RIPOR2: variants seen among roughly 807,000 people sequenced by gnomAD.
The protein encoded by RIPOR2 is rho family-interacting cell polarization regulator 2.
Under a neutral mutation model 114.5 loss-of-function variants are expected in RIPOR2, and 39 were observed. The ratio of observed to expected loss-of-function variants is 0.34; its 90% CI spans 0.26 to 0.44. The LOEUF (loss-of-function observed/expected upper bound fraction) is 0.44, where lower values mean the gene tolerates loss of function less well. Among genes scored for constraint, RIPOR2 ranks in the 20% least tolerant of loss-of-function variants. RIPOR2 has a pLI of 1.00. For synonymous variants in RIPOR2, 445 were observed against 484.4 expected, an observed-to-expected ratio of 0.92 and a Z score of 1.07; for missense variants, 1,007 against 1,255.1, an observed-to-expected ratio of 0.80 and a Z score of 2.99.
chr6:24,973,555 C>T (rs1270016457), intron 1 of RIPOR2, among the ~76,000 whole-genome samples: 4 of 151,124 alleles, frequency 2.6e-5, no homozygotes, highest in African/African-American at 4.9e-5. Flanking sequence ...TGAGATCACA[C>T]CACTGCACTC....
At chr6:24,977,544 ATAG>A (rs1365504563) in intron 1 of RIPOR2, among the ~76,000 whole-genome samples, 3 of 152,238 alleles carry the variant, frequency 2.0e-5, no homozygotes, top group Admixed American at 2.0e-4. Context: ...GAAATAAAGC[ATAG>A]TAGTTCCATA....
At chr6:24,866,231 C>T (rs1049493848) in intron 6 of RIPOR2, among the ~76,000 whole-genome samples, 1 of 152,096 alleles carries the variant, frequency 6.6e-6, no homozygotes, top group Non-Finnish European at 1.5e-5. Context: ...TAAATTGAAG[C>T]AATATAAATG....
intron 13 of RIPOR2, chr6:24,839,933 ATCT>A: frequency 1.1e-5 from 3 of 280,884 alleles, no homozygotes; most frequent in Non-Finnish European, 1.4e-5. Flanking sequence ...GAAGCCCTGC[ATCT>A]TTTTTTTTTT....
chr6:24,979,251 A>G lies in RIPOR2; in HGVS notation c.76+62600T>C, dbSNP rs527413816. 4.1e-5 allele frequency among the ~76,000 whole-genome samples: 6 copies of G among 146,746 alleles called. No individual in the cohort carries two copies. The South Asian group carries it at 1.3e-3, about 32-fold the overall frequency. On this transcript the variant is annotated intron_variant, in intron 1 of 13. Transcript: ENST00000510784. ...GAAAACCGAAAACCAAAGAAGGAAC[A>G]TGCAATAGTTGCTTGAAATGATAGG...
At chr6:25,035,626 AG>A (rs1389069686) in intron 1 of RIPOR2, among the ~76,000 whole-genome samples, 1 of 152,200 alleles carries the variant, frequency 6.6e-6, no homozygotes, top group Admixed American at 6.5e-5. Context: ...ACAAAATCCC[AG>A]AGTGGAGGAG....
intron 1 of RIPOR2, chr6:25,015,526 T>C (rs1447541253): frequency 1.3e-5 from 2 of 152,182 alleles, no homozygotes; most frequent in Non-Finnish European, 2.9e-5. Flanking sequence ...TCTCCTTGGA[T>C]TGTGTCATAT....
At position 24,835,717 on chromosome 6, in the gene RIPOR2, T is replaced by G; in HGVS notation, c.2194A>C (p.Thr732Pro). ...ITIVRHLQYC[T>P]QLVQQIVFSS... Reference sequence around the variant, plus strand: ...GCTGATCCTACCTGCACGAGTTGGGTGCAGTACTGGAGGTGCCTGACGATG... The same window carrying G: ...GCTGATCCTACCTGCACGAGTTGGGGGCAGTACTGGAGGTGCCTGACGATG... Residue 732 changes from threonine (T) to proline (P), a missense_variant, in exon 15 of 22, where the codon ACC (threonine) becomes CCC (proline). By Grantham distance (38) the Thr-to-Pro change is conservative. Transcript: ENST00000643898. 1 of 1,551,648 alleles carries G rather than the reference T, an allele frequency of 6.4e-7. No homozygotes were observed. The highest frequency in any genetic ancestry group is 8.7e-7 in the Non-Finnish European group (1 of 1,146,952).
intron 9 of RIPOR2, 32 bp from the exon 10 acceptor site, chr6:24,850,754 C>T (rs1762808291): frequency 6.2e-7 from 1 of 1,612,088 alleles, no homozygotes; most frequent in Non-Finnish European, 8.5e-7. Context: ...GCCTTCATGT[C>T]TTGCCACCCC....
At chr6:24,877,353 G>A (rs1765899439) in intron 1 of RIPOR2, 1 of 985,388 alleles carries the variant, frequency 1.0e-6, no homozygotes, top group Non-Finnish European at 1.2e-6. Flanking sequence ...ATGCATTCTT[G>A]CGAGGTACAG....
At chr6:24,920,673 T>G (rs1028905608) in intron 1 of RIPOR2, among the ~76,000 whole-genome samples, 3 of 152,222 alleles carry the variant, frequency 2.0e-5, no homozygotes, top group Non-Finnish European at 4.4e-5. Context: ...TTCTGAGTAC[T>G]TAGAATGGGA....
intron 1 of RIPOR2, among the ~76,000 whole-genome samples, chr6:24,927,123 T>TCAC (rs1561782340): frequency 0.77 from 3,177 of 4,128 alleles, 1,539 homozygotes; most frequent in East Asian, 0.83. Context: ...ATTATTATAA[T>TCAC]CATCATCTCA....
intron 1 of RIPOR2, among the ~76,000 whole-genome samples, chr6:25,016,094 C>T (rs1462999581): frequency 3.3e-5 from 5 of 151,134 alleles, no homozygotes; most frequent in African/African-American, 2.4e-5. Flanking sequence ...TTAGTAGACA[C>T]GGGGGTTTCA....
intron 7 of RIPOR2, 29 bp downstream of exon 7, chr6:24,865,272 G>T: frequency 6.4e-7 from 1 of 1,566,756 alleles, no homozygotes; most frequent in South Asian, 1.2e-5. Context: ...GATGGGATTC[G>T]GCAACTTAAG....
chr6:24,895,610 T>C (rs1473082864), intron 1 of RIPOR2, among the ~76,000 whole-genome samples: 1 of 152,204 alleles, frequency 6.6e-6, no homozygotes, highest in Non-Finnish European at 1.5e-5. Context: ...AAAAAGGCAT[T>C]ACAAATATTT....
At chr6:24,969,241 C>T (rs1193308415) in intron 1 of RIPOR2, among the ~76,000 whole-genome samples, 3 of 152,202 alleles carry the variant, frequency 2.0e-5, no homozygotes, top group Non-Finnish European at 2.9e-5. Context: ...TGAGAACCAC[C>T]GATTTGGGAC....
chr6:24,986,161 A>G (rs1415617780), intron 1 of RIPOR2, among the ~76,000 whole-genome samples: 1 of 152,158 alleles, frequency 6.6e-6, no homozygotes, highest in Non-Finnish European at 1.5e-5. Flanking sequence ...TAAGGCTTTC[A>G]TGTATGTGCA....
intron 1 of RIPOR2, among the ~76,000 whole-genome samples, chr6:25,031,721 AT>A (rs1267567893): frequency 3.8e-5 from 4 of 104,166 alleles, no homozygotes; most frequent in Non-Finnish European, 7.5e-5. Flanking sequence ...ATATATATAT[AT>A]ATATATATAT....
intron 15 of RIPOR2, among the ~76,000 whole-genome samples, chr6:24,834,741 C>T (rs896242218): frequency 6.6e-5 from 10 of 152,054 alleles, no homozygotes; most frequent in East Asian, 1.9e-4. Context: ...CTCCCACCTC[C>T]GCCTCCTGAG....
At chr6:25,005,262 T>C (rs1252397795) in intron 1 of RIPOR2, among the ~76,000 whole-genome samples, 3 of 152,222 alleles carry the variant, frequency 2.0e-5, no homozygotes, top group Non-Finnish European at 4.4e-5. Flanking sequence ...AGGCTGACTC[T>C]GACCGGGTTG....
Sources: gnomAD v4.1 joint callset for allele counts (sites outside exome capture counted in the v4.1 genomes callset) on GRCh38, gnomAD v4.1.1 for gene constraint, MANE v1.5 for transcripts, NCBI Gene and HGNC (gene_info 2026-07-23, HGNC 2026-07-21) for gene names.